The following WDPCP variants were observed in gnomAD, a reference collection of about 807,000 sequenced individuals.
WDPCP encodes the protein WD repeat containing planar cell polarity effector, also known as WD repeat-containing and planar cell polarity effector protein fritz homolog.
WDPCP carries 71 observed loss-of-function variants against 93.1 expected under a neutral mutation model. The ratio of observed to expected loss-of-function variants is 0.76; its 90% CI spans 0.63 to 0.93. WDPCP has a LOEUF of 0.93. Among genes scored for constraint, WDPCP ranks in the 40% least tolerant of loss-of-function variants. The pLI is 0.00. For synonymous variants in WDPCP, 315 were observed against 315.0 expected (o/e 1.00, Z 0.00); for missense variants, 844 against 887.4 (o/e 0.95, Z 0.62).
chr2:63,390,255 CACA>C (rs1290656697), intron 10 of WDPCP, among the ~76,000 whole-genome samples: 2 of 151,584 alleles, frequency 1.3e-5, no homozygotes, highest in African/African-American at 4.9e-5. Context: ...CTCAAAACCG[CACA>C]ACTATATGGA....
At chr2:63,828,323 A>G (rs577984801), upstream of WDPCP, among the ~76,000 whole-genome samples, 14 of 152,218 alleles carry the variant, frequency 9.2e-5, no homozygotes, top group East Asian at 1.4e-3. Context: ...CCTCTGCTCC[A>G]ACTATTTCCT....
chr2:63,262,507 A>T (rs1372666637), intron 13 of WDPCP, among the ~76,000 whole-genome samples: 1 of 150,514 alleles, frequency 6.6e-6, no homozygotes, highest in Non-Finnish European at 1.5e-5. Flanking sequence ...TAATTTTAAA[A>T]CTATAGAACA....
At chr2:63,135,382 A>G (rs1670544656) in intron 17 of WDPCP, among the ~76,000 whole-genome samples, 1 of 152,188 alleles carries the variant, frequency 6.6e-6, no homozygotes, top group South Asian at 2.1e-4. Flanking sequence ...TCCAGGCTGG[A>G]GTGCAGTGGC....
At chr2:63,599,024 C>A in intron 3 of WDPCP, 2 of 523,270 alleles carry the variant, frequency 3.8e-6, no homozygotes, top group African/African-American at 2.0e-5. Flanking sequence ...ACTTAAAATG[C>A]ATTTTCCTAT....
chr2:63,767,975 A>T (rs1351679340), intron 2 of WDPCP, among the ~76,000 whole-genome samples: 4 of 151,902 alleles, frequency 2.6e-5, no homozygotes, highest in Non-Finnish European at 5.9e-5. Flanking sequence ...AGTTAAGTTG[A>T]GGTTGATGCC....
At chr2:63,738,286 T>C (rs1488425093) in intron 2 of WDPCP, among the ~76,000 whole-genome samples, 1 of 152,114 alleles carries the variant, frequency 6.6e-6, no homozygotes, top group Non-Finnish European at 1.5e-5. Context: ...GATGATTGTA[T>C]AATATTATCC....
chr2:63,703,472 G>C (rs1315533601), intron 2 of WDPCP, among the ~76,000 whole-genome samples: 1 of 152,230 alleles, frequency 6.6e-6, no homozygotes, highest in African/African-American at 2.4e-5. Context: ...CTGATGGCCA[G>C]TGATCATGAG....
At chr2:63,274,059 T>C (rs763549244) in intron 13 of WDPCP, among the ~76,000 whole-genome samples, 5 of 152,164 alleles carry the variant, frequency 3.3e-5, no homozygotes, top group African/African-American at 4.8e-5. Context: ...ACTCTTCTCG[T>C]CAGCACGTGG....
chr2:63,285,316 C>T (rs1252780368), intron 13 of WDPCP, among the ~76,000 whole-genome samples: 2 of 151,916 alleles, frequency 1.3e-5, no homozygotes, highest in African/African-American at 2.4e-5. Flanking sequence ...TGGCTGTAGT[C>T]CCAGCTACTC....
intron 2 of WDPCP, among the ~76,000 whole-genome samples, chr2:63,784,310 T>TC (rs1049790632): frequency 6.6e-6 from 1 of 152,014 alleles, no homozygotes; most frequent in Non-Finnish European, 1.5e-5. Flanking sequence ...AGAGAAGGGG[T>TC]CCCAAAGACA....
chr2:63,156,407 T>G (rs1321576221), intron 15 of WDPCP, among the ~76,000 whole-genome samples: 1 of 152,222 alleles, frequency 6.6e-6, no homozygotes, highest in African/African-American at 2.4e-5. Flanking sequence ...TTTAAAAAGC[T>G]TTTTTGGTTT....
chr2:63,623,114 G>A (rs1245156302), intron 3 of WDPCP, among the ~76,000 whole-genome samples: 1 of 152,138 alleles, frequency 6.6e-6, no homozygotes, highest in East Asian at 1.9e-4. Flanking sequence ...AAGAAATAAC[G>A]TCTTTTACAG....
Position 63,172,883 on chromosome 2 carries a change from A to C in WDPCP, c.2078+1787T>G, listed in dbSNP as rs112723212. Among the ~76,000 whole-genome samples the C allele has an allele frequency of 4.9e-4, 75 of 152,122 alleles. 1 individual carries two copies. Among genetic ancestry groups the C allele is most frequent in the Non-Finnish European group, 1.2e-4 (8 of 68,004 alleles). On this transcript the variant is annotated intron_variant, in intron 15 of 17. Transcript: ENST00000272321. ...GCAGAAAGAGAGGGGCACTTTTGGC[A>C]TTTGGGTGTGAAGGAAGAAAGAAGC...
chr2:63,337,977 T>G (rs1391970583), intron 12 of WDPCP, among the ~76,000 whole-genome samples: 1 of 152,204 alleles, frequency 6.6e-6, no homozygotes, highest in Non-Finnish European at 1.5e-5. Context: ...TCATCTCTTT[T>G]GCTATGCAGA....
chr2:63,508,975 A>G (rs1702055726), intron 1 of WDPCP, among the ~76,000 whole-genome samples: 1 of 152,132 alleles, frequency 6.6e-6, no homozygotes, highest in Non-Finnish European at 1.5e-5. Flanking sequence ...CTCCCACACA[A>G]TCATAGTGGG....
intron 13 of WDPCP, among the ~76,000 whole-genome samples, chr2:63,310,705 A>G (rs1365792095): frequency 1.3e-5 from 2 of 152,148 alleles, no homozygotes; most frequent in African/African-American, 4.8e-5. Flanking sequence ...AAATATTTGC[A>G]AAACTAAGCC....
At chr2:63,280,482 T>G (rs1044065704) in intron 13 of WDPCP, among the ~76,000 whole-genome samples, 3 of 151,998 alleles carry the variant, frequency 2.0e-5, no homozygotes, top group Non-Finnish European at 4.4e-5. Flanking sequence ...GAGATTTGGG[T>G]GGGGACACAG....
chr2:63,524,760 A>T (rs913588687), intron 1 of WDPCP, among the ~76,000 whole-genome samples: 1 of 152,254 alleles, frequency 6.6e-6, no homozygotes, highest in African/African-American at 2.4e-5. Flanking sequence ...ATGGGATCTA[A>T]TTAAACTAAA....
intron 15 of WDPCP, among the ~76,000 whole-genome samples, chr2:63,165,696 G>A (rs17408750): frequency 0.3 from 44,713 of 149,408 alleles, 8,261 homozygotes; most frequent in Non-Finnish European, 0.4. Context: ...TATCTAGTAT[G>A]TTATCTATTG....
Sources: gnomAD v4.1 joint callset for allele counts (sites outside exome capture counted in the v4.1 genomes callset) on GRCh38, gnomAD v4.1.1 for gene constraint, MANE v1.5 for transcripts, NCBI Gene and HGNC (gene_info 2026-07-23, HGNC 2026-07-21) for gene names.